Variants in NEBL observed in about 807,000 individuals in gnomAD.
The protein encoded by NEBL is nebulette.
Under a neutral mutation model 140.2 loss-of-function variants are expected in NEBL, and 122 were observed. The ratio of observed to expected loss-of-function variants is 0.87; its 90% CI spans 0.75 to 1.01. The LOEUF is 1.01. Ranked by LOEUF, NEBL falls within the 50% of genes least tolerant of loss-of-function variation. The pLI, the probability that NEBL is intolerant of heterozygous loss-of-function variation, is 0.00. For synonymous variants in NEBL, 436 were observed against 398.9 expected, an observed-to-expected ratio of 1.09 and a Z score of -1.11; for missense variants, 1,365 against 1,231.3, an observed-to-expected ratio of 1.11 and a Z score of -1.62.
intron 26 of NEBL, among the ~76,000 whole-genome samples, chr10:20,806,523 AAGGTTT>A (rs1837635780): frequency 6.6e-6 from 1 of 152,180 alleles, no homozygotes; most frequent in South Asian, 2.1e-4. Context: ...CTCCCCAAGG[AAGGTTT>A]CCCTGACATC....
chr10:21,236,035 C>A lies in NEBL; in HGVS notation n.348+11886G>T, dbSNP rs76548648. 3.9e-3 allele frequency among the ~76,000 whole-genome samples: 594 copies of A among 152,330 alleles called. 5 individuals carry two copies. Among genetic ancestry groups the A allele is most frequent in the Non-Finnish European group, 6.0e-3 (410 of 68,030 alleles). On this transcript the variant is annotated intron_variant and non_coding_transcript_variant, in intron 3 of 8. Coordinates refer to the NEBL transcript ENST00000675702. ...GTTCAAGGCCACCAGCTTTGACATT[C>A]ATAACCCCCGTAGTCTTTATTTATA... is the stretch of plus-strand genomic sequence containing the variant.
At chr10:21,244,860 A>G (rs1842496201) in intron 3 of NEBL, among the ~76,000 whole-genome samples, 1 of 151,954 alleles carries the variant, frequency 6.6e-6, no homozygotes, top group Non-Finnish European at 1.5e-5. Flanking sequence ...AAATAAAAGT[A>G]AAAATTAAAA....
At chr10:20,854,297 A>G (rs1388259544) in intron 9 of NEBL, among the ~76,000 whole-genome samples, 1 of 152,126 alleles carries the variant, frequency 6.6e-6, no homozygotes, top group African/African-American at 2.4e-5. Context: ...GGAAATTTGC[A>G]TTTTGATCTT....
At chr10:20,817,509 G>T in intron 21 of NEBL, 91 bp downstream of exon 21, 1 of 1,098,428 alleles carries the variant, frequency 9.1e-7, no homozygotes, top group African/African-American at 1.5e-5. Flanking sequence ...ATCAGCTCAA[G>T]GTTATGAAAA....
intron 24 of NEBL, among the ~76,000 whole-genome samples, chr10:20,811,885 T>C (rs1450050831): frequency 6.6e-6 from 1 of 152,198 alleles, no homozygotes; most frequent in Non-Finnish European, 1.5e-5. Flanking sequence ...GAAAAATCAA[T>C]AATCATCCTT....
chr10:21,259,019 A>G (rs1210860274), intron 1 of NEBL, among the ~76,000 whole-genome samples: 1 of 152,006 alleles, frequency 6.6e-6, no homozygotes, highest in East Asian at 1.9e-4. Context: ...GGCTGAGATG[A>G]TAAGTAGTTT....
chr10:21,075,639 G>C (rs1032622113), intron 2 of NEBL, among the ~76,000 whole-genome samples: 3 of 152,274 alleles, frequency 2.0e-5, no homozygotes, highest in Admixed American at 2.0e-4. Flanking sequence ...TGTCTAGAGG[G>C]AGGCCCTCAT....
At chr10:21,239,377 G>A (rs1842405422) in intron 3 of NEBL, among the ~76,000 whole-genome samples, 1 of 151,988 alleles carries the variant, frequency 6.6e-6, no homozygotes, top group Non-Finnish European at 1.5e-5. Flanking sequence ...TTTTTTCAGG[G>A]ATCTAGTCAG....
chr10:20,980,583 T>C (rs7917492), intron 3 of NEBL, among the ~76,000 whole-genome samples: 24,866 of 152,010 alleles, frequency 0.16, 3,506 homozygotes, highest in East Asian at 0.38. Flanking sequence ...CAGTAACCAG[T>C]GGCCTTACAC....
At chr10:20,943,058 A>T (rs1256353401) in intron 4 of NEBL, among the ~76,000 whole-genome samples, 1 of 152,218 alleles carries the variant, frequency 6.6e-6, no homozygotes, top group Admixed American at 6.5e-5. Context: ...AGAACTAGAA[A>T]TACCATTTGA....
At chr10:21,079,286 A>G (rs1425637168) in intron 2 of NEBL, among the ~76,000 whole-genome samples, 2 of 151,272 alleles carry the variant, frequency 1.3e-5, no homozygotes, top group Non-Finnish European at 2.9e-5. Context: ...AGGCAGTAGT[A>G]CCACCATCTT....
At chr10:20,786,157 A>C (rs1003252064) in intron 27 of NEBL, among the ~76,000 whole-genome samples, 3 of 152,190 alleles carry the variant, frequency 2.0e-5, no homozygotes, top group African/African-American at 7.2e-5. Context: ...TACGACAGGT[A>C]GCCCATCAAA....
In NEBL at chr10:21,064,935, G is replaced by GA. The variant is rs577761648; in HGVS notation, c.165-44735dup. Among the ~76,000 whole-genome samples the GA allele has an allele frequency of 1.2e-4, 19 of 152,070 alleles. No individual in the cohort carries two copies. The South Asian group carries it at 3.7e-3, about 30-fold the overall frequency. On this transcript the variant is annotated intron_variant, in intron 2 of 6. Coordinates refer to the NEBL transcript ENST00000417816. ...AAAAAAAATATTTAAGAATGAGATA[G>GA]AAAAAAAGGAAGCAAGAAATAAGAA... is the stretch of plus-strand genomic sequence containing the variant.
At chr10:21,029,791 C>A in intron 2 of NEBL, 1 of 749,924 alleles carries the variant, frequency 1.3e-6, no homozygotes, top group Non-Finnish European at 2.4e-6. Context: ...ACCGAGGCAG[C>A]AGAGACTATG....
intron 2 of NEBL, among the ~76,000 whole-genome samples, chr10:21,085,558 C>A (rs1411370635): frequency 1.3e-5 from 2 of 152,094 alleles, no homozygotes; most frequent in Non-Finnish European, 2.9e-5. Context: ...TCATTTGAGC[C>A]CAAGAGTTAG....
chr10:20,920,332 T>C (rs1833520575), intron 4 of NEBL, among the ~76,000 whole-genome samples: 1 of 152,196 alleles, frequency 6.6e-6, no homozygotes. Context: ...AAATATGAGA[T>C]GATAAATATA....
At chr10:20,893,222 C>T (rs930597303) in intron 2 of NEBL, among the ~76,000 whole-genome samples, 1 of 151,992 alleles carries the variant, frequency 6.6e-6, no homozygotes, top group Non-Finnish European at 1.5e-5. Flanking sequence ...TTTATGACTC[C>T]CCATCAGAAG....
chr10:20,882,228 AAAGG>A (rs924679972), intron 4 of NEBL, among the ~76,000 whole-genome samples: 21 of 151,704 alleles, frequency 1.4e-4, no homozygotes, highest in Admixed American at 2.6e-4. Flanking sequence ...AGGAAAGAAA[AAAGG>A]AAGGAAGGAA....
At chr10:21,061,551 T>TATATAAATATAA (rs71392110) in intron 2 of NEBL, among the ~76,000 whole-genome samples, 53 of 146,784 alleles carry the variant, frequency 3.6e-4, no homozygotes, top group Middle Eastern at 3.6e-3. Flanking sequence ...ATTTTATACA[T>TATATAAATATAA]ATATAAATAT....
Sources: gnomAD v4.1 joint callset for allele counts (sites outside exome capture counted in the v4.1 genomes callset) on GRCh38, gnomAD v4.1.1 for gene constraint, MANE v1.5 for transcripts, NCBI Gene and HGNC (gene_info 2026-07-23, HGNC 2026-07-21) for gene names.